ONECUT1: variants seen among roughly 807,000 people sequenced by gnomAD.
The protein encoded by ONECUT1 is one cut homeobox 1, also known as hepatocyte nuclear factor 6.
A neutral mutation model predicts 25.6 loss-of-function variants in ONECUT1; 12 were observed. The ratio of observed to expected loss-of-function variants is 0.47; its 90% CI spans 0.30 to 0.76. The LOEUF (loss-of-function observed/expected upper bound fraction) is 0.76. Among genes scored for constraint, ONECUT1 ranks in the 30% least tolerant of loss-of-function variants. The pLI is 0.07. For missense variants in ONECUT1, 620 were observed against 651.2 expected (o/e 0.95, Z 0.52); for synonymous variants, 285 against 270.2 (o/e 1.05, Z -0.54).
At chr15:52,768,931 C>T (rs1199027198) in intron 1 of ONECUT1, among the ~76,000 whole-genome samples, 1 of 152,200 alleles carries the variant, frequency 6.6e-6, no homozygotes, top group Non-Finnish European at 1.5e-5. Context: ...CCTTGACACC[C>T]TGACCTCAAC....
In ONECUT1 at chr15:52,777,737, C is replaced by CACACACACACAAAAA. The variant is rs57187579; in HGVS notation, c.1105+11042_1105+11043insTTTTTGTGTGTGTGT. Among the ~76,000 whole-genome samples the CACACACACACAAAAA allele has an allele frequency of 7.3e-4, 75 of 103,446 alleles. 1 individual carries two copies. Among genetic ancestry groups the CACACACACACAAAAA allele is most frequent in the African/African-American group, 3.1e-3 (71 of 22,576 alleles). The allele number at this position is 103,446 out of a possible 152,430, so 67.9% of individuals were successfully genotyped here. A position where few individuals can be genotyped will look rare whatever the true frequency, so the allele number is the denominator to read the frequency against. On this transcript the variant is annotated intron_variant, in intron 1 of 1. Transcript: ENST00000305901. ...ACACACACACACACACACACACACA[C>CACACACACACAAAAA]AAAAAAACATGTAAAGTTATTTGTT...
chr15:52,758,744 A>G (rs1373281760), intron 1 of ONECUT1, among the ~76,000 whole-genome samples: 2 of 152,102 alleles, frequency 1.3e-5, no homozygotes, highest in Admixed American at 6.5e-5. Flanking sequence ...TATCATCCCA[A>G]TGGAGCCCTC....
intron 1 of ONECUT1, among the ~76,000 whole-genome samples, chr15:52,782,273 A>G (rs1046169049): frequency 3.3e-5 from 5 of 152,180 alleles, no homozygotes; most frequent in Non-Finnish European, 7.4e-5. Flanking sequence ...CTATAGCAAG[A>G]CCCTGTGATA....
rs1006051271 is a variant in ONECUT1, at chr15:52,775,842, C to T, written c.1105+12938G>A. 4.6e-5 allele frequency among the ~76,000 whole-genome samples: 7 copies of T among 152,224 alleles called. No homozygotes were observed. In the South Asian group the frequency reaches 6.2e-4, roughly 14 times the overall value. On this transcript the variant is annotated intron_variant, in intron 1 of 1. Transcript: ENST00000305901. ...GATTTGTAAGTGACTCAAACCAAGA[C>T]TTTCCAACATTTGTCTGCCCCACCT... is the stretch of plus-strand genomic sequence containing the variant.
rs550730129 is a variant in ONECUT1 at position 52,776,940 on chromosome 15, T to G, written c.1105+11840A>C. On this transcript the variant is annotated intron_variant, in intron 1 of 1. Coordinates refer to ENST00000305901, the MANE Select transcript of ONECUT1 (RefSeq NM_004498.4). Reference sequence around the variant, plus strand: ...CTGGGGGTCTTGCTGAAATGCAGATTCAGGTTCAGTAGGTGTGGGGTGGAA... The same window carrying G: ...CTGGGGGTCTTGCTGAAATGCAGATGCAGGTTCAGTAGGTGTGGGGTGGAA... Among the ~76,000 whole-genome samples the G allele has an allele frequency of 2.0e-5, 3 of 152,322 alleles. No homozygotes were observed. The East Asian group carries it at 5.8e-4, about 29-fold the overall frequency.
chr15:52,778,995 CT>C lies in ONECUT1; in HGVS notation c.1105+9784del, dbSNP rs547428108. On this transcript the variant is annotated intron_variant, in intron 1 of 1. Transcript: ENST00000305901. ...TTATTCTTAATCCAGAGAGGGTTTT[CT>C]TTTTTTTTTTTTTGTAACTGAAGAT... Among the ~76,000 whole-genome samples the C allele has an allele frequency of 1.7e-3, 233 of 140,972 alleles. 1 individual carries two copies. Among genetic ancestry groups the C allele is most frequent in the Middle Eastern group, 3.7e-3 (1 of 272 alleles). 92.5% of individuals were successfully genotyped at this position (140,972 alleles called of 152,430 possible). A position where few individuals can be genotyped will look rare whatever the true frequency, so the allele number is the denominator to read the frequency against.
In ONECUT1 at chr15:52,762,977, CAG is replaced by C. The variant is rs138699375; in HGVS notation, c.1106-5132_1106-5131del. Among the ~76,000 whole-genome samples the C allele has an allele frequency of 2.0e-3, 298 of 148,138 alleles. 1 individual carries two copies. The highest frequency in any genetic ancestry group is 4.2e-3 in the African/African-American group (170 of 40,740). On this transcript the variant is annotated intron_variant, in intron 1 of 1. Coordinates refer to ENST00000305901, the MANE Select transcript of ONECUT1 (RefSeq NM_004498.4). ...AGTCGACAGGAATGTGCAAGATAGA[CAG>C]AGAGAGAGAGAGAGAGAATGAAAAA...
intron 1 of ONECUT1, among the ~76,000 whole-genome samples, chr15:52,762,859 C>T (rs1026531624): frequency 1.3e-5 from 2 of 152,064 alleles, no homozygotes; most frequent in African/African-American, 2.4e-5. Context: ...TTTCACCAGA[C>T]TATAGCTGTG....
intron 1 of ONECUT1, among the ~76,000 whole-genome samples, chr15:52,777,623 G>C (rs1259169426): frequency 6.7e-6 from 1 of 149,192 alleles, no homozygotes; most frequent in South Asian, 2.1e-4. Flanking sequence ...CTCCATTTCT[G>C]TCCCAAGTCC....
intron 1 of ONECUT1, among the ~76,000 whole-genome samples, chr15:52,772,052 G>C (rs922432658): frequency 9.2e-5 from 14 of 152,122 alleles, no homozygotes; most frequent in African/African-American, 3.4e-4. Flanking sequence ...ACTTGTACTT[G>C]TAAAACCCAG....
In ONECUT1 at chr15:52,775,874, CTG is replaced by C. The variant is rs539736331; in HGVS notation, c.1105+12904_1105+12905del. ...ACATTTGTCTGCCCCACCTACATGTCTGTGCTTCTGTCTACTCTGCTGTTCTC... is the reference window on the plus strand; with the variant it reads ...ACATTTGTCTGCCCCACCTACATGTCTGCTTCTGTCTACTCTGCTGTTCTC... On this transcript the variant is annotated intron_variant, in intron 1 of 1. Coordinates refer to ENST00000305901, the MANE Select transcript of ONECUT1 (RefSeq NM_004498.4). Among the ~76,000 whole-genome samples the C allele has an allele frequency of 2.7e-3, 414 of 152,364 alleles. 2 individuals carry two copies. Among genetic ancestry groups the C allele is most frequent in the African/African-American group, 9.8e-3 (407 of 41,588 alleles).
At chr15:52,776,387 T>C (rs1013833625) in intron 1 of ONECUT1, among the ~76,000 whole-genome samples, 4 of 152,130 alleles carry the variant, frequency 2.6e-5, no homozygotes, top group African/African-American at 9.7e-5. Flanking sequence ...CTCTCCACCA[T>C]GTCTACTCGA....
rs368408910 is a variant in ONECUT1, at chr15:52,789,922, T to C, written c.-38A>G. ...GAGCAGGCGGCGGACACAACATCGA[T>C]GTGGCCAGGCAGAGGCGGCGAGGGG... is the stretch of plus-strand genomic sequence containing the variant. On this transcript the variant is annotated 5_prime_UTR_variant, in exon 1 of 2. Transcript: ENST00000305901. The surrounding 1 kb of genome is among the most constrained non-coding windows in gnomAD (Gnocchi z 4.1). 29 of 1,494,378 alleles carry C rather than the reference T, an allele frequency of 1.9e-5. No individual in the cohort carries two copies. The highest frequency in any genetic ancestry group is 1.4e-5 in the Non-Finnish European group (16 of 1,134,300). 92.6% of individuals were successfully genotyped at this position (1,494,378 alleles called of 1,614,324 possible). A position where few individuals can be genotyped will look rare whatever the true frequency, so the allele number is the denominator to read the frequency against.
chr15:52,780,755 A>G, intron 1 of ONECUT1: 1 of 1,440,852 alleles, frequency 6.9e-7, no homozygotes, highest in Non-Finnish European at 9.1e-7. Context: ...GTTTTAGAAG[A>G]CAACAGGAAA....
rs1022185160 is a variant in ONECUT1 at position 52,784,128 on chromosome 15, C to T, written c.1105+4652G>A. 6.6e-6 allele frequency among the ~76,000 whole-genome samples: 1 copy of T among 152,230 alleles called. No individual in the cohort carries two copies. On this transcript the variant is annotated intron_variant, in intron 1 of 1. Transcript: ENST00000305901. This position sits in a 1 kb window ranked among gnomAD's most constrained non-coding sequence, Gnocchi z 5.0. ...CAGCCGCAGCACAGCCCGGCTACCC[C>T]CAGAAAGGGAGCCGAATGGAGGGAA...
At chr15:52,787,455 T>A (rs978529455) in intron 1 of ONECUT1, among the ~76,000 whole-genome samples, 1 of 152,070 alleles carries the variant, frequency 6.6e-6, no homozygotes, top group African/African-American at 2.4e-5. Flanking sequence ...CGCTTTGATT[T>A]TAGACTGTGA....
intron 1 of ONECUT1, among the ~76,000 whole-genome samples, chr15:52,786,385 A>T (rs1677561914): frequency 6.6e-6 from 1 of 152,326 alleles, no homozygotes; most frequent in Admixed American, 6.5e-5. Flanking sequence ...ACAAAAATGT[A>T]ATAGACATGC....
rs1596043256 is a variant in ONECUT1 at position 52,756,257 on chromosome 15, A to G, written c.*1298T>C. Among the ~76,000 whole-genome samples, 1 of 152,244 alleles carries G rather than the reference A, an allele frequency of 6.6e-6. No individual in the cohort carries two copies. Among genetic ancestry groups the G allele is most frequent in the African/African-American group, 2.4e-5 (1 of 41,456 alleles). On this transcript the variant is annotated 3_prime_UTR_variant, in exon 2 of 2. Transcript: ENST00000305901. ...AATTTGATAACTTTTTAGGATAGTTATAAGTACTGAATAGCTCATTTGAAT... is the reference window on the plus strand; with the variant it reads ...AATTTGATAACTTTTTAGGATAGTTGTAAGTACTGAATAGCTCATTTGAAT...
intron 1 of ONECUT1, among the ~76,000 whole-genome samples, chr15:52,777,213 T>G (rs1275671921): frequency 6.6e-6 from 1 of 152,196 alleles, no homozygotes; most frequent in Non-Finnish European, 1.5e-5. Flanking sequence ...GCTACAGAGC[T>G]ATAGGTTATT....
Sources: gnomAD v4.1 joint callset for allele counts (sites outside exome capture counted in the v4.1 genomes callset) on GRCh38, gnomAD v4.1.1 for gene constraint, Gnocchi (gnomAD v3.1) non-coding constraint, MANE v1.5 for transcripts, NCBI Gene and HGNC (gene_info 2026-07-23, HGNC 2026-07-21) for gene names.